Variants in ASAP1 observed in about 807,000 individuals in gnomAD.
ASAP1 encodes the protein arf-GAP with SH3 domain, ANK repeat and PH domain-containing protein 1.
Under a neutral mutation model 145.2 loss-of-function variants are expected in ASAP1, and 43 were observed. The ratio of observed to expected loss-of-function variants is 0.30; its 90% CI spans 0.23 to 0.38. ASAP1 has a LOEUF of 0.38. ASAP1 is among the 10% of genes least tolerant of loss of function. The pLI, the probability that ASAP1 is intolerant of heterozygous loss-of-function variation, is 1.00. For missense variants in ASAP1, 1,018 were observed against 1,355.3 expected, an observed-to-expected ratio of 0.75 and a Z score of 3.91; for synonymous variants, 546 against 515.5, an observed-to-expected ratio of 1.06 and a Z score of -0.80.
intron 3 of ASAP1, among the ~76,000 whole-genome samples, chr8:130,291,385 C>T (rs1296792558): frequency 6.6e-6 from 1 of 152,218 alleles, no homozygotes; most frequent in Non-Finnish European, 1.5e-5. Context: ...TCATCCTTGC[C>T]TCCACATGTC....
intron 23 of ASAP1, among the ~76,000 whole-genome samples, chr8:130,112,718 C>T (rs1164112843): frequency 2.6e-5 from 4 of 152,186 alleles, no homozygotes; most frequent in Admixed American, 2.0e-4. Flanking sequence ...AACCCTTTAA[C>T]GTTGAAGTTC....
intron 3 of ASAP1, among the ~76,000 whole-genome samples, chr8:130,285,374 T>C (rs1821543186): frequency 6.6e-6 from 1 of 151,954 alleles, no homozygotes; most frequent in Admixed American, 6.6e-5. Flanking sequence ...CAGGTACTAG[T>C]GAACACAGAA....
rs950808285 is a variant in ASAP1, at chr8:130,132,816, TTC to T, written c.1217+1478_1217+1479del. On this transcript the variant is annotated intron_variant, in intron 15 of 29. Transcript: ENST00000518721. ...CATCCTTTTCCTTTGTCTTTCTACC[TTC>T]TCTCTCAGTTTTCTTTCCCCACCCT... Among the ~76,000 whole-genome samples, 4 of 150,326 alleles carry T rather than the reference TTC, an allele frequency of 2.7e-5. No individual in the cohort carries two copies. The South Asian group carries it at 6.8e-4, about 25-fold the overall frequency.
intron 5 of ASAP1, among the ~76,000 whole-genome samples, chr8:130,200,685 TTA>T (rs1416549730): frequency 6.6e-6 from 1 of 152,224 alleles, no homozygotes; most frequent in Non-Finnish European, 1.5e-5. Context: ...GATTTTTATT[TTA>T]GTCTTTTTCT....
chr8:130,388,027 C>T lies in ASAP1; in HGVS notation c.59+13858G>A, dbSNP rs147638686. ...GGGGAGCAACCAAAGAGAATAAAGG[C>T]TAGAGTGGCTAGGAAGATCTGTCTG... On this transcript the variant is annotated intron_variant, in intron 2 of 29. Coordinates refer to ENST00000518721, the MANE Select transcript of ASAP1 (RefSeq NM_018482.4). Among the ~76,000 whole-genome samples, 7 of 152,298 alleles carry T rather than the reference C, an allele frequency of 4.6e-5. No individual in the cohort carries two copies. The East Asian group carries it at 1.2e-3, about 25-fold the overall frequency.
At chr8:130,401,664 C>A (rs1201253010) in intron 2 of ASAP1, among the ~76,000 whole-genome samples, 1 of 152,146 alleles carries the variant, frequency 6.6e-6, no homozygotes, top group Non-Finnish European at 1.5e-5. Context: ...GACAACTTTC[C>A]TTATAAATAA....
chr8:130,078,944 A>T (rs1452079966), intron 26 of ASAP1, among the ~76,000 whole-genome samples: 2 of 152,216 alleles, frequency 1.3e-5, no homozygotes, highest in Admixed American at 6.5e-5. Context: ...TTGTAATCCT[A>T]GCACTTTGGG....
At chr8:130,153,502 T>C (rs2097651922) in intron 12 of ASAP1, among the ~76,000 whole-genome samples, 1 of 149,588 alleles carries the variant, frequency 6.7e-6, no homozygotes, top group Non-Finnish European at 1.5e-5. Context: ...CCAGAGTAGC[T>C]GGGACCACAG....
intron 3 of ASAP1, among the ~76,000 whole-genome samples, chr8:130,280,446 C>T (rs1435736739): frequency 6.6e-6 from 1 of 152,246 alleles, no homozygotes. Flanking sequence ...CAAATCAGCA[C>T]AACTCCTGGG....
intron 1 of ASAP1, among the ~76,000 whole-genome samples, chr8:130,416,345 T>TA (rs1357362576): frequency 6.6e-6 from 1 of 152,250 alleles, no homozygotes; most frequent in Non-Finnish European, 1.5e-5. Context: ...ACGCCGCAGC[T>TA]AGCACAGTGC....
chr8:130,398,078 G>A (rs190700359), intron 2 of ASAP1, among the ~76,000 whole-genome samples: 15 of 152,358 alleles, frequency 9.8e-5, no homozygotes, highest in Admixed American at 2.6e-4. Flanking sequence ...GGAATCAGGC[G>A]AGTGTAGGTT....
At chr8:130,182,697 T>G (rs1173710493) in intron 7 of ASAP1, among the ~76,000 whole-genome samples, 1 of 151,848 alleles carries the variant, frequency 6.6e-6, no homozygotes, top group Non-Finnish European at 1.5e-5. Flanking sequence ...AGTGAAAGTA[T>G]TAATAACAAA....
intron 3 of ASAP1, among the ~76,000 whole-genome samples, chr8:130,295,467 A>G (rs770431197): frequency 1.3e-5 from 2 of 152,206 alleles, no homozygotes; most frequent in Non-Finnish European, 2.9e-5. Flanking sequence ...GCTGTATGAC[A>G]AAAATCCTTC....
intron 27 of ASAP1, among the ~76,000 whole-genome samples, chr8:130,063,349 T>TA (rs1320500316): frequency 6.6e-6 from 1 of 152,156 alleles, no homozygotes; most frequent in Non-Finnish European, 1.5e-5. Context: ...AGCTAATTTT[T>TA]AATTTTTTAG....
intron 3 of ASAP1, among the ~76,000 whole-genome samples, chr8:130,242,996 G>T (rs567608622): frequency 6.6e-6 from 1 of 152,042 alleles, no homozygotes; most frequent in African/African-American, 2.4e-5. Context: ...TCAAACTTGG[G>T]TTTTTACATC....
At chr8:130,105,941 T>C (rs1024661651) in intron 24 of ASAP1, among the ~76,000 whole-genome samples, 1 of 152,200 alleles carries the variant, frequency 6.6e-6, no homozygotes, top group Non-Finnish European at 1.5e-5. Context: ...TTCAAGAGAC[T>C]TAGGGCTGAT....
chr8:130,143,579 A>G (rs2097618557), intron 13 of ASAP1, among the ~76,000 whole-genome samples: 1 of 152,308 alleles, frequency 6.6e-6, no homozygotes, highest in Admixed American at 6.5e-5. Flanking sequence ...AAAATGTTTC[A>G]ATCAGGGAAG....
intron 3 of ASAP1, among the ~76,000 whole-genome samples, chr8:130,248,918 C>G (rs756325352): frequency 8.5e-5 from 13 of 152,108 alleles, no homozygotes; most frequent in South Asian, 2.1e-4. Context: ...ATCTCAGCAG[C>G]ATTTCTTTTT....
Position 130,127,710 on chromosome 8 carries a change from T to TGACA in ASAP1, c.1381+213_1381+216dup, listed in dbSNP as rs528179259. Among the ~76,000 whole-genome samples, 84 of 152,250 alleles carry TGACA rather than the reference T, an allele frequency of 5.5e-4. 1 individual carries two copies. The highest frequency in any genetic ancestry group is 2.0e-3 in the African/African-American group (81 of 41,520). On this transcript the variant is annotated intron_variant, in intron 16 of 29. Coordinates refer to ENST00000518721, the MANE Select transcript of ASAP1 (RefSeq NM_018482.4). ...TATAGGAAAGGTAGTATTTTGGCAGTGACACCTAGGAGAGCAAGAGGGGGC... is the reference window on the plus strand; with the variant it reads ...TATAGGAAAGGTAGTATTTTGGCAGTGACAGACACCTAGGAGAGCAAGAGGGGGC...
Sources: allele counts gnomAD v4.1 joint callset (sites outside exome capture counted in the v4.1 genomes callset), GRCh38; gene constraint gnomAD v4.1.1; transcripts MANE v1.5; gene names NCBI Gene and HGNC (gene_info 2026-07-23, HGNC 2026-07-21).